PRKCH: variants seen among roughly 807,000 people sequenced by gnomAD.
The protein encoded by PRKCH is protein kinase C eta, also known as protein kinase C eta type.
In PRKCH, 28 loss-of-function variants were observed where a neutral mutation model predicts 82.5. That is an observed-to-expected ratio of 0.34 (90% CI 0.25 to 0.47). The LOEUF (loss-of-function observed/expected upper bound fraction) is 0.47. Among genes scored for constraint, PRKCH ranks in the 20% least tolerant of loss-of-function variants. The pLI, the probability that PRKCH is intolerant of heterozygous loss-of-function variation, is 1.00. For synonymous variants in PRKCH, 322 were observed against 327.4 expected, an observed-to-expected ratio of 0.98 and a Z score of 0.18; for missense variants, 705 against 881.8, an observed-to-expected ratio of 0.80 and a Z score of 2.54.
At chr14:61,446,558 C>T (rs966906980) in intron 4 of PRKCH, among the ~76,000 whole-genome samples, 2 of 152,200 alleles carry the variant, frequency 1.3e-5, no homozygotes, top group Non-Finnish European at 2.9e-5. Flanking sequence ...CATTACTTCC[C>T]TTGGATGGAC....
chr14:61,434,353 T>A (rs1236429861), intron 2 of PRKCH, among the ~76,000 whole-genome samples: 2 of 152,210 alleles, frequency 1.3e-5, no homozygotes, highest in South Asian at 4.1e-4. Context: ...GAAACATTTT[T>A]CTTCATCATC....
chr14:61,288,775 C>T (rs1284708052), intron 1 of PRKCH, among the ~76,000 whole-genome samples: 1 of 152,210 alleles, frequency 6.6e-6, no homozygotes, highest in Non-Finnish European at 1.5e-5. Flanking sequence ...CACTCACCTA[C>T]TTCAGCTTAT....
At chr14:61,192,834 A>T (rs2044415246) in intron 1 of PRKCH, among the ~76,000 whole-genome samples, 1 of 152,196 alleles carries the variant, frequency 6.6e-6, no homozygotes, top group Admixed American at 6.5e-5. Flanking sequence ...TGACTTTTGG[A>T]CTTCACCTTC....
At chr14:61,194,226 A>G (rs905649029) in intron 1 of PRKCH, among the ~76,000 whole-genome samples, 1 of 152,244 alleles carries the variant, frequency 6.6e-6, no homozygotes, top group African/African-American at 2.4e-5. Context: ...AATTAGTACC[A>G]TTAATACTTC....
chr14:61,493,863 G>A (rs1485384839), intron 10 of PRKCH, among the ~76,000 whole-genome samples: 1 of 151,614 alleles, frequency 6.6e-6, no homozygotes, highest in Non-Finnish European at 1.5e-5. Flanking sequence ...GGGCTGATGA[G>A]AAAGGCATAA....
At chr14:61,299,548 TAAC>T (rs2045433939) in intron 1 of PRKCH, among the ~76,000 whole-genome samples, 1 of 152,166 alleles carries the variant, frequency 6.6e-6, no homozygotes, top group Non-Finnish European at 1.5e-5. Flanking sequence ...AGAAACAGTG[TAAC>T]AACCACCTGA....
chr14:61,326,885 G>T, intron 1 of PRKCH: 2 of 230,770 alleles, frequency 8.7e-6, no homozygotes, highest in Non-Finnish European at 1.8e-5. Context: ...TAATTTCTCT[G>T]GCTTCCAAAA....
intron 1 of PRKCH, chr14:61,353,678 C>T (rs1413149768): frequency 6.6e-6 from 1 of 152,234 alleles, no homozygotes; most frequent in African/African-American, 2.4e-5. Flanking sequence ...TACCTGTAAC[C>T]CCAGCACTTT....
chr14:61,538,628 CT>C (rs1421886811), intron 12 of PRKCH, among the ~76,000 whole-genome samples: 5 of 152,172 alleles, frequency 3.3e-5, no homozygotes, highest in African/African-American at 9.7e-5. Context: ...GATGTCAAAG[CT>C]TTTGTAAAAT....
intron 1 of PRKCH, among the ~76,000 whole-genome samples, chr14:61,388,202 T>C (rs2046619147): frequency 6.6e-6 from 1 of 151,118 alleles, no homozygotes; most frequent in Non-Finnish European, 1.5e-5. Flanking sequence ...ACCCACTAAG[T>C]TGCTTTCATG....
chr14:61,542,304 A>G (rs1365657581), intron 12 of PRKCH, among the ~76,000 whole-genome samples: 6 of 152,074 alleles, frequency 3.9e-5, no homozygotes, highest in Non-Finnish European at 8.8e-5. Flanking sequence ...AAAAAAAACA[A>G]AACAAACAAA....
chr14:61,210,143 T>TATAA (rs2044561633), intron 1 of PRKCH, among the ~76,000 whole-genome samples: 1 of 60,622 alleles, frequency 1.6e-5, no homozygotes, highest in East Asian at 4.8e-4. Context: ...TATATATATA[T>TATAA]ATATATATAT....
Position 61,457,296 on chromosome 14 carries a change from T to C in PRKCH, c.1081T>C (p.Leu361=). The change falls in exon 8 of 14, where the codon TTG becomes CTG. Residue 361 remains leucine (L), a synonymous_variant. Transcript: ENST00000332981. The part of the protein sequence containing the change: ...GIDNFEFIRV[L]GKGSFGKVML... ...CGACAACTTTGAGTTCATCCGAGTGTTGGGGAAGGGGAGTTTTGGGAAGGT... is the reference window on the plus strand; with the variant it reads ...CGACAACTTTGAGTTCATCCGAGTGCTGGGGAAGGGGAGTTTTGGGAAGGT... 4 of 1,614,154 alleles carry C rather than the reference T, an allele frequency of 2.5e-6. No individual in the cohort carries two copies. The highest frequency in any genetic ancestry group is 3.4e-6 in the Non-Finnish European group (4 of 1,180,030).
chr14:61,419,139 G>A (rs11627158), intron 2 of PRKCH, among the ~76,000 whole-genome samples: 30,745 of 152,152 alleles, frequency 0.2, 3,484 homozygotes, highest in Admixed American at 0.34. Flanking sequence ...GCAGCTAGTT[G>A]TTCTCCCAAA....
intron 1 of PRKCH, among the ~76,000 whole-genome samples, chr14:61,336,068 A>G (rs114502573): frequency 0.011 from 1,654 of 152,212 alleles, 28 homozygotes; most frequent in African/African-American, 0.038. Flanking sequence ...TATGTAAACC[A>G]TCTACACAGG....
At chr14:61,361,547 A>G (rs1424381136) in intron 1 of PRKCH, among the ~76,000 whole-genome samples, 2 of 152,242 alleles carry the variant, frequency 1.3e-5, no homozygotes, top group Admixed American at 6.5e-5. Context: ...TTTAGTTACA[A>G]TAAGGCTCAT....
intron 10 of PRKCH, among the ~76,000 whole-genome samples, chr14:61,514,228 A>G (rs1169326706): frequency 6.6e-6 from 1 of 151,756 alleles, no homozygotes. Context: ...AGCCACTCCA[A>G]GAGTTCACTG....
intron 2 of PRKCH, among the ~76,000 whole-genome samples, chr14:61,422,580 C>T (rs17098343): frequency 0.45 from 69,158 of 152,066 alleles, 18,899 homozygotes; most frequent in Non-Finnish European, 0.61. Flanking sequence ...TCTGTATGTG[C>T]TCCAGATTCC....
chr14:61,227,178 G>A (rs534834297), intron 1 of PRKCH, among the ~76,000 whole-genome samples: 3 of 152,348 alleles, frequency 2.0e-5, no homozygotes, highest in Non-Finnish European at 4.4e-5. Context: ...AGTTAATCAT[G>A]TGGTTCTCAA....
Sources: allele counts gnomAD v4.1 joint callset (sites outside exome capture counted in the v4.1 genomes callset), GRCh38; gene constraint gnomAD v4.1.1; transcripts MANE v1.5; gene names NCBI Gene and HGNC (gene_info 2026-07-23, HGNC 2026-07-21).